The following CCDC15 variants were observed in gnomAD, a reference collection of about 807,000 sequenced individuals.
CCDC15 encodes coiled-coil domain-containing protein 15.
CCDC15 carries 105 observed loss-of-function variants against 114.5 expected under a neutral mutation model. That is an observed-to-expected ratio of 0.92 (90% CI 0.78 to 1.08). The LOEUF is 1.08. CCDC15 is among the 50% of genes least tolerant of loss of function. The probability of loss-of-function intolerance (pLI) is 0.00; values close to 1 mark genes in which losing one functional copy is unlikely to be tolerated. For synonymous variants in CCDC15, 334 were observed against 377.8 expected (o/e 0.88, Z 1.34); for missense variants, 1,105 against 1,093.6 (o/e 1.01, Z -0.15).
chr11:124,990,051 C>G (rs1948242587), intron 8 of CCDC15, among the ~76,000 whole-genome samples: 1 of 152,200 alleles, frequency 6.6e-6, no homozygotes, highest in Non-Finnish European at 1.5e-5. Context: ...TTTCAACAGG[C>G]CTGTTTCACT....
At position 124,986,820 on chromosome 11, in the gene CCDC15, G is replaced by A; in HGVS notation, c.832G>A (p.Gly278Arg). The A allele has an allele frequency of 6.4e-7, 1 of 1,556,412 alleles. No individual in the cohort carries two copies. The change falls in exon 7 of 16, where the codon GGG (glycine) becomes AGG (arginine). Residue 278 changes from glycine (G) to arginine (R), a missense_variant. Transcript: ENST00000344762. ...TGAGAAAGGGAAAGAAGATTTGTTT[G>A]GGAGAGGCCAGCAGGACCAGCAGGC... ...TDEKGKEDLF[G>R]RGQQDQQAIH...
At chr11:124,996,242 C>T (rs1948366448) in intron 11 of CCDC15, among the ~76,000 whole-genome samples, 1 of 152,166 alleles carries the variant, frequency 6.6e-6, no homozygotes. Context: ...GCCCAGTGCC[C>T]TACCCTGACT....
intron 13 of CCDC15, among the ~76,000 whole-genome samples, chr11:125,027,684 G>A (rs1227948889): frequency 1.3e-5 from 2 of 151,686 alleles, no homozygotes; most frequent in Admixed American, 1.3e-4. Context: ...TCTGTGGGTT[G>A]TCTGTTTGCT....
At chr11:124,972,494 A>G (rs896110317) in intron 4 of CCDC15, among the ~76,000 whole-genome samples, 1 of 152,214 alleles carries the variant, frequency 6.6e-6, no homozygotes, top group Non-Finnish European at 1.5e-5. Context: ...TTAATTTATA[A>G]TATCCCCCTG....
chr11:124,954,892 TC>T lies in CCDC15; in HGVS notation c.161del (p.Ser54TrpfsTer11). 3.1e-6 allele frequency: 5 copies of T among 1,613,984 alleles called. No homozygotes were observed. The highest frequency in any genetic ancestry group is 4.2e-6 in the Non-Finnish European group (5 of 1,179,872). On this transcript the variant is annotated frameshift_variant, in exon 2 of 16. Coordinates refer to ENST00000344762, the MANE Select transcript of CCDC15 (RefSeq NM_025004.3). LOFTEE classifies it high-confidence loss of function. ...AWVEPASPGSSEIPAYTSAYL... is the reference protein window; with the variant it reads ...AWVEPASPGSXEIPAYTSAYL... The stretch of plus-strand genomic sequence containing the variant: ...GGTGGAACCTGCCTCACCAGGTAGT[TC>T]GGAAATCCCAGCATATGTGAGTGTC...
At chr11:124,961,743 AT>A (rs1479480755) in intron 4 of CCDC15, among the ~76,000 whole-genome samples, 4 of 152,022 alleles carry the variant, frequency 2.6e-5, no homozygotes, top group Admixed American at 6.6e-5. Context: ...CCAGGCTGGT[AT>A]CAAATTCCTG....
intron 13 of CCDC15, among the ~76,000 whole-genome samples, chr11:125,019,847 T>G (rs1204415510): frequency 6.6e-6 from 1 of 151,960 alleles, no homozygotes; most frequent in Non-Finnish European, 1.5e-5. Flanking sequence ...ATTGCTCTCT[T>G]TTTTGATACA....
chr11:124,983,716 G>A lies in CCDC15; in HGVS notation c.754-3026G>A, dbSNP rs117536653. The stretch of plus-strand genomic sequence containing the variant: ...ACTGATGGATGGTGCCAGCCAAAAC[G>A]CTTTTTTGGGTGGTGGCAATGGGAT... On this transcript the variant is annotated intron_variant, in intron 6 of 15. Coordinates refer to ENST00000344762, the MANE Select transcript of CCDC15 (RefSeq NM_025004.3). 9.2e-4 allele frequency among the ~76,000 whole-genome samples: 140 copies of A among 152,264 alleles called. 2 individuals are homozygous for A. In the East Asian group the frequency reaches 0.022, roughly 24 times the overall value.
At chr11:125,032,000 C>T (rs1287841449) in intron 13 of CCDC15, among the ~76,000 whole-genome samples, 3 of 152,216 alleles carry the variant, frequency 2.0e-5, no homozygotes, top group African/African-American at 7.2e-5. Context: ...CGACAGGTCC[C>T]ACACCACTGG....
In CCDC15 at chr11:124,987,618, G is replaced by T. The variant is rs377177228; in HGVS notation, c.1392G>T (p.Leu464=). Residue 464 remains leucine (L), a synonymous_variant, in exon 8 of 16, where the codon CTG becomes CTT. Coordinates refer to ENST00000344762, the MANE Select transcript of CCDC15 (RefSeq NM_025004.3). ...TTCTCCACAAAGACCAAGATATTCT[G>T]CCAAAATATCAGGACCAGAATTTTC... The part of the protein sequence containing the change: ...QHVLHKDQDI[L]PKYQDQNFLP... 4 of 1,609,574 alleles carry T rather than the reference G, an allele frequency of 2.5e-6. No individual in the cohort carries two copies. Among genetic ancestry groups the T allele is most frequent in the Non-Finnish European group, 3.4e-6 (4 of 1,178,528 alleles).
chr11:125,016,303 C>A (rs1011781909), intron 13 of CCDC15, among the ~76,000 whole-genome samples: 8 of 133,412 alleles, frequency 6.0e-5, no homozygotes, highest in African/African-American at 2.1e-4. Flanking sequence ...TCCTCACATG[C>A]TTTTTTCTCC....
intron 4 of CCDC15, among the ~76,000 whole-genome samples, chr11:124,965,004 G>A (rs1401849210): frequency 1.3e-5 from 2 of 152,120 alleles, no homozygotes; most frequent in African/African-American, 4.8e-5. Flanking sequence ...CTTGATCTTG[G>A]TGGATAAGCT....
intron 15 of CCDC15, 121 bp downstream of exon 15, chr11:125,039,190 CT>C (rs139537641): frequency 2.3e-6 from 2 of 878,668 alleles, no homozygotes; most frequent in African/African-American, 1.7e-5. Flanking sequence ...GTTATAAACC[CT>C]TTACAAAATA....
At chr11:125,011,248 A>C (rs6590116) in intron 13 of CCDC15, among the ~76,000 whole-genome samples, 2 of 147,212 alleles carry the variant, frequency 1.4e-5, no homozygotes, top group African/African-American at 5.0e-5. Context: ...TATTATTATT[A>C]TTTTTTAAGA....
Position 124,987,939 on chromosome 11 carries a change from C to G in CCDC15, c.1713C>G (p.Pro571=), listed in dbSNP as rs200807898. The change falls in exon 8 of 16, where the codon CCC becomes CCG. Residue 571 remains proline, a synonymous_variant. Transcript: ENST00000344762. ...TACCCAGAGACCAAGGTGTTCTTCC[C>G]AAAGACCAAAATATTCTACCCATAT... The part of the protein sequence containing the change: ...DFLPRDQGVL[P]KDQNILPICQ... 1 of 1,613,668 alleles carries G rather than the reference C, an allele frequency of 6.2e-7. No homozygotes were observed. Among genetic ancestry groups the G allele is most frequent in the South Asian group, 1.1e-5 (1 of 91,058 alleles).
chr11:124,983,022 CTG>C (rs1250690700), intron 6 of CCDC15, among the ~76,000 whole-genome samples: 1 of 151,872 alleles, frequency 6.6e-6, no homozygotes, highest in Admixed American at 6.6e-5. Flanking sequence ...TTTTGTCTGA[CTG>C]AGTTATTTTG....
intron 13 of CCDC15, among the ~76,000 whole-genome samples, chr11:125,037,102 A>G (rs982493283): frequency 2.0e-5 from 3 of 152,028 alleles, no homozygotes; most frequent in South Asian, 2.1e-4. Flanking sequence ...TAGATGCCCA[A>G]CGTTATGAGT....
At chr11:125,014,214 C>T (rs748798188) in intron 13 of CCDC15, among the ~76,000 whole-genome samples, 2 of 152,156 alleles carry the variant, frequency 1.3e-5, no homozygotes, top group Non-Finnish European at 2.9e-5. Flanking sequence ...ACCTAAATTA[C>T]AAAGCAGCCT....
intron 4 of CCDC15, among the ~76,000 whole-genome samples, chr11:124,967,098 C>T (rs548606103): frequency 6.6e-6 from 1 of 152,264 alleles, no homozygotes; most frequent in African/African-American, 2.4e-5. Context: ...CTTGGTGAAT[C>T]TGACAATTAT....
Sources: gnomAD v4.1 joint callset for allele counts (sites outside exome capture counted in the v4.1 genomes callset) on GRCh38, gnomAD v4.1.1 for gene constraint, MANE v1.5 for transcripts, NCBI Gene and HGNC (gene_info 2026-07-23, HGNC 2026-07-21) for gene names.